Variants in TNNT2 observed in about 807,000 individuals in gnomAD.
TNNT2 encodes the protein troponin T2, cardiac type, also known as troponin T, cardiac muscle.
TNNT2 carries 34 observed loss-of-function variants against 62.4 expected under a neutral mutation model. The observed-to-expected ratio is 0.54, with a 90% CI of 0.41 to 0.72. TNNT2 has a LOEUF of 0.72. Among genes scored for constraint, TNNT2 ranks in the 30% least tolerant of loss-of-function variants. The probability of loss-of-function intolerance (pLI) is 0.00; values close to 1 mark genes in which losing one functional copy is unlikely to be tolerated. For synonymous variants in TNNT2, 123 were observed against 127.2 expected (o/e 0.97, Z 0.22); for missense variants, 275 against 381.9 (o/e 0.72, Z 2.33).
chr1:201,367,785 G>C lies in TNNT2; in HGVS notation c.185C>G (p.Ala62Gly). The C allele has an allele frequency of 6.2e-7, 1 of 1,614,052 alleles. No homozygotes were observed. The highest frequency in any genetic ancestry group is 8.5e-7 in the Non-Finnish European group (1 of 1,180,028). The change falls in exon 7 of 17, where the codon GCA (alanine) becomes GGA (glycine). Residue 62 changes from alanine (A) to glycine (G), a missense_variant. Ala to Gly is a moderately conservative substitution (Grantham distance 60). Coordinates refer to ENST00000656932, the MANE Select transcript of TNNT2 (RefSeq NM_001276345.2). ...RAEEDEEEEEAKEAEDGPMEE... is the reference protein window; with the variant it reads ...RAEEDEEEEEGKEAEDGPMEE... ...GATATCCTTACCTTCAGCCTCCTTT[G>C]CTTCCTCTTCTTCTTCATCTTCTAA...
At chr1:201,364,428 C>G (rs561745545) in intron 10 of TNNT2, 53 bp from the exon 11 acceptor site, 5 of 1,579,396 alleles carry the variant, frequency 3.2e-6, no homozygotes, top group Non-Finnish European at 4.3e-6. Flanking sequence ...AAGGTGACAT[C>G]GCAGGTACAG....
chr1:201,376,917 C>T (rs997076173), intron 1 of TNNT2, among the ~76,000 whole-genome samples: 1 of 152,206 alleles, frequency 6.6e-6, no homozygotes, highest in African/African-American at 2.4e-5. Context: ...CCCAGTGGGG[C>T]CTTTCCCCAT....
chr1:201,376,519 G>A (rs1661418638), intron 1 of TNNT2, among the ~76,000 whole-genome samples: 1 of 152,160 alleles, frequency 6.6e-6, no homozygotes, highest in African/African-American at 2.4e-5. Context: ...GGAGAGGGCA[G>A]GAAGAGTGGA....
At chr1:201,363,510 C>T (rs1197472334) in intron 11 of TNNT2, 104 bp from the exon 12 acceptor site, 4 of 1,084,884 alleles carry the variant, frequency 3.7e-6, no homozygotes, top group Non-Finnish European at 5.7e-6. Flanking sequence ...AGCTTTCTCT[C>T]CGCTCAGCAA....
chr1:201,364,849 G>A lies in TNNT2; in HGVS notation c.411+342C>T, dbSNP rs76708658. ...GCAGGTCACACTCCCCTTCATCTGC[G>A]GGGGAAGAGGAGGCAAGGGCAGGGG... On this transcript the variant is annotated intron_variant, in intron 10 of 16. Coordinates refer to ENST00000656932, the MANE Select transcript of TNNT2 (RefSeq NM_001276345.2). 1.2e-3 allele frequency among the ~76,000 whole-genome samples: 185 copies of A among 152,312 alleles called. 2 individuals carry two copies. Among genetic ancestry groups the A allele is most frequent in the African/African-American group, 4.0e-3 (166 of 41,558 alleles).
At chr1:201,367,544 T>C (rs548109169) in intron 7 of TNNT2, 59 of 631,022 alleles carry the variant, frequency 9.3e-5, no homozygotes, top group African/African-American at 9.1e-4. Context: ...TGGACAATGG[T>C]CCCCTCTCCC....
rs554553266 is a variant in TNNT2 at position 201,359,060 on chromosome 1, G to A, written c.*150C>T. 69 of 894,468 alleles carry A rather than the reference G, an allele frequency of 7.7e-5. No individual in the cohort carries two copies. In the African/African-American group the frequency reaches 1.1e-3, roughly 14 times the overall value. The allele number at this position is 894,468 out of a possible 1,614,324, so 55.4% of individuals were successfully genotyped here. On this transcript the variant is annotated 3_prime_UTR_variant, in exon 17 of 17. Coordinates refer to ENST00000656932, the MANE Select transcript of TNNT2 (RefSeq NM_001276345.2). ...TTACTGGTGTGGAGTGGGTGTGGGG[G>A]CAGGCAGGAGTGGTGGCTCCCACCT...
In TNNT2 at chr1:201,367,067, C is replaced by T. The variant is rs1187290088; in HGVS notation, c.200-196G>A. On this transcript the variant is annotated intron_variant, in intron 7 of 16. Coordinates refer to ENST00000656932, the MANE Select transcript of TNNT2 (RefSeq NM_001276345.2). ...CGGGGGCTGCAGATGCCACACTCCC[C>T]CTCCCATAGAGTTCTGCAGGGCACA... 8.8e-6 allele frequency: 7 copies of T among 797,024 alleles called. No homozygotes were observed. The East Asian group carries it at 1.3e-4, about 15-fold the overall frequency. 49.4% of individuals were successfully genotyped at this position (797,024 alleles called of 1,614,324 possible). A position where few individuals can be genotyped will look rare whatever the true frequency, so the allele number is the denominator to read the frequency against.
At chr1:201,362,180 C>G (rs1409638654) in intron 13 of TNNT2, 158 bp from the exon 14 acceptor site, 3 of 1,186,142 alleles carry the variant, frequency 2.5e-6, no homozygotes, top group Non-Finnish European at 3.7e-6. Context: ...TACATGTATT[C>G]CCTAGGGAAA....
In TNNT2 at chr1:201,366,853, G is replaced by A; in HGVS notation, c.218C>T (p.Ser73Phe). The A allele has an allele frequency of 6.2e-7, 1 of 1,614,116 alleles. No individual in the cohort carries two copies. The highest frequency in any genetic ancestry group is 8.5e-7 in the Non-Finnish European group (1 of 1,180,026). Residue 73 changes from serine to phenylalanine, a missense_variant, in exon 8 of 17, where the codon TCC becomes TTC. Ser to Phe is a radical substitution (Grantham distance 155, BLOSUM62 -2). Transcript: ENST00000656932. ...KEAEDGPMEE[S>F]KPKPRSFMPN... ...CCCCACTCACCTGGGCTTTGGTTTG[G>A]ACTCCTCCATTGGGCCATCTGGAGG...
intron 15 of TNNT2, among the ~76,000 whole-genome samples, chr1:201,360,166 A>G (rs1389235285): frequency 6.6e-6 from 1 of 152,178 alleles, no homozygotes; most frequent in Non-Finnish European, 1.5e-5. Flanking sequence ...CCAAAAAAAG[A>G]GAAAAAAGTG....
chr1:201,363,533 G>A lies in TNNT2; in HGVS notation c.490-127C>T, dbSNP rs3730236. The A allele has an allele frequency of 4.0e-3, 3,399 of 848,626 alleles. 47 individuals are homozygous for A. The highest frequency in any genetic ancestry group is 0.034 in the African/African-American group (2,076 of 60,332). The allele number at this position is 848,626 out of a possible 1,614,324, so 52.6% of individuals were successfully genotyped here. A position where few individuals can be genotyped will look rare whatever the true frequency, so the allele number is the denominator to read the frequency against. On this transcript the variant is annotated intron_variant, in intron 11 of 16. Coordinates refer to ENST00000656932, the MANE Select transcript of TNNT2 (RefSeq NM_001276345.2). ...CTCCGCTCAGCAAGGAGCTTTCTGA[G>A]AGGGTAGCTCCCAGCACAGTGCTGG... is the stretch of plus-strand genomic sequence containing the variant.
At position 201,363,306 on chromosome 1, in the gene TNNT2, TA is replaced by T; in HGVS notation, c.589del (p.Tyr197ThrfsTer38). The stretch of plus-strand genomic sequence containing the variant: ...CTGCTCCCTACCTACCTTCTGGATG[TA>T]ACCCCCAAAATGCATCATGTTGGAC... ...ALSNMMHFGG[Y>X]IQKQAQTERK... is the part of the protein sequence containing the mutation. On this transcript the variant is annotated frameshift_variant, in exon 12 of 17. Coordinates refer to ENST00000656932, the MANE Select transcript of TNNT2 (RefSeq NM_001276345.2). LOFTEE classifies it high-confidence loss of function. 6.2e-7 allele frequency: 1 copy of T among 1,614,164 alleles called. No homozygotes were observed. The highest frequency in any genetic ancestry group is 1.7e-5 in the Admixed American group (1 of 60,026).
rs558271957 is a variant in TNNT2 at position 201,372,823 on chromosome 1, G to T, written c.41+391C>A. Among the ~76,000 whole-genome samples the T allele has an allele frequency of 1.1e-4, 17 of 152,308 alleles. No individual in the cohort carries two copies. In the East Asian group the frequency reaches 2.9e-3, roughly 26 times the overall value. On this transcript the variant is annotated intron_variant, in intron 2 of 16. Coordinates refer to ENST00000656932, the MANE Select transcript of TNNT2 (RefSeq NM_001276345.2). Reference sequence around the variant, plus strand: ...TGAGAGAGTAGGGATCCAAGACAGGGTGATAACACTGGGTTCTGAGCTGGG... The same window carrying T: ...TGAGAGAGTAGGGATCCAAGACAGGTTGATAACACTGGGTTCTGAGCTGGG...
chr1:201,366,418 G>A (rs1385729224), intron 8 of TNNT2: 9 of 1,102,514 alleles, frequency 8.2e-6, no homozygotes, highest in Admixed American at 4.5e-5. Flanking sequence ...GCACCAAGCC[G>A]TCCTGCCCTC....
At chr1:201,361,049 T>G in intron 15 of TNNT2, 1 of 607,462 alleles carries the variant, frequency 1.6e-6, no homozygotes. Flanking sequence ...ACCAGGAAAG[T>G]GTCTCTGCTC....
chr1:201,361,482 C>A (rs1658626820), intron 14 of TNNT2, 113 bp from the exon 15 acceptor site: 1 of 1,050,760 alleles, frequency 9.5e-7, no homozygotes, highest in Non-Finnish European at 1.5e-6. Flanking sequence ...CACCTCCAGG[C>A]CTGCCAAGGG....
chr1:201,362,510 A>G, intron 12 of TNNT2, 116 bp from the exon 13 acceptor site: 1 of 1,360,098 alleles, frequency 7.4e-7, no homozygotes, highest in Non-Finnish European at 1.0e-6. Flanking sequence ...GAAGATTCAG[A>G]TACTCGCTGT....
intron 4 of TNNT2, among the ~76,000 whole-genome samples, chr1:201,370,441 G>A (rs998730315): frequency 4.6e-5 from 7 of 152,168 alleles, no homozygotes; most frequent in African/African-American, 1.7e-4. Flanking sequence ...GAAGGGTCCA[G>A]CATTATAAAT....
Sources: allele counts gnomAD v4.1 joint callset (sites outside exome capture counted in the v4.1 genomes callset), GRCh38; gene constraint gnomAD v4.1.1; transcripts MANE v1.5; gene names NCBI Gene and HGNC (gene_info 2026-07-23, HGNC 2026-07-21).